Variants in TAFA1 observed in about 807,000 individuals in gnomAD.
The protein encoded by TAFA1 is TAFA chemokine like family member 1.
A neutral mutation model predicts 18.5 loss-of-function variants in TAFA1; 4 were observed. That is an observed-to-expected ratio of 0.22 (90% CI 0.11 to 0.49). The LOEUF (loss-of-function observed/expected upper bound fraction) is 0.49, where lower values mean the gene tolerates loss of function less well. TAFA1 is among the 20% of genes least tolerant of loss of function. TAFA1 has a pLI of 0.98. For synonymous variants in TAFA1, 56 were observed against 55.2 expected, an observed-to-expected ratio of 1.01 and a Z score of -0.06; for missense variants, 147 against 169.0, an observed-to-expected ratio of 0.87 and a Z score of 0.72.
At chr3:68,169,209 C>T (rs1163853988) in intron 2 of TAFA1, among the ~76,000 whole-genome samples, 1 of 151,956 alleles carries the variant, frequency 6.6e-6, no homozygotes, top group Non-Finnish European at 1.5e-5. Flanking sequence ...TCATAAAAGG[C>T]ACTGGAGCCT....
intron 2 of TAFA1, among the ~76,000 whole-genome samples, chr3:68,169,253 G>A (rs976056663): frequency 6.6e-6 from 1 of 152,200 alleles, no homozygotes; most frequent in African/African-American, 2.4e-5. Context: ...TGCTCTGGAC[G>A]GTACGGGCTG....
intron 2 of TAFA1, among the ~76,000 whole-genome samples, chr3:68,010,242 T>C: frequency 6.6e-6 from 1 of 152,164 alleles, no homozygotes; most frequent in East Asian, 1.9e-4. Flanking sequence ...TTCCCCAGCC[T>C]CTTACGGGCA....
At chr3:68,253,264 T>A (rs1230615145) in intron 2 of TAFA1, among the ~76,000 whole-genome samples, 1 of 152,208 alleles carries the variant, frequency 6.6e-6, no homozygotes, top group East Asian at 1.9e-4. Context: ...TAATTCCCAC[T>A]GTATACCAGG....
chr3:68,016,538 G>A (rs560789852), intron 2 of TAFA1, among the ~76,000 whole-genome samples: 2 of 152,236 alleles, frequency 1.3e-5, no homozygotes, highest in African/African-American at 4.8e-5. Context: ...GTACCCTGAT[G>A]TGCTATACAG....
At chr3:68,255,846 G>T (rs947568008) in intron 2 of TAFA1, among the ~76,000 whole-genome samples, 1 of 151,888 alleles carries the variant, frequency 6.6e-6, no homozygotes, top group Non-Finnish European at 1.5e-5. Flanking sequence ...TGGCTAACAG[G>T]CAGTTAAGTC....
intron 2 of TAFA1, among the ~76,000 whole-genome samples, chr3:68,291,533 G>T (rs181554537): frequency 8.3e-4 from 126 of 152,138 alleles, no homozygotes; most frequent in African/African-American, 2.9e-3. Context: ...ACCTAAGACT[G>T]TCTACATCCA....
chr3:68,169,649 G>T (rs1240623811), intron 2 of TAFA1, among the ~76,000 whole-genome samples: 1 of 152,208 alleles, frequency 6.6e-6, no homozygotes, highest in Non-Finnish European at 1.5e-5. Flanking sequence ...TATAACAAAT[G>T]AAAGTTCAAA....
intron 3 of TAFA1, among the ~76,000 whole-genome samples, chr3:68,524,368 G>A (rs1265377765): frequency 6.6e-6 from 1 of 152,084 alleles, no homozygotes; most frequent in African/African-American, 2.4e-5. Flanking sequence ...CCAGATAGAA[G>A]GGCTGGCAAA....
At chr3:68,344,097 C>T (rs944033135) in intron 2 of TAFA1, among the ~76,000 whole-genome samples, 1 of 152,144 alleles carries the variant, frequency 6.6e-6, no homozygotes, top group Non-Finnish European at 1.5e-5. Flanking sequence ...CCTGCCTGGG[C>T]CTCCCAAAGT....
intron 2 of TAFA1, among the ~76,000 whole-genome samples, chr3:68,065,709 T>C (rs564399020): frequency 6.9e-6 from 1 of 143,960 alleles, no homozygotes; most frequent in Admixed American, 7.3e-5. Flanking sequence ...TATGTGTGTA[T>C]ACATAGATGT....
intron 2 of TAFA1, among the ~76,000 whole-genome samples, chr3:68,014,513 A>G (rs1281738984): frequency 6.6e-6 from 1 of 152,182 alleles, no homozygotes. Context: ...AAGTTGTCAA[A>G]TTGCAAAGCT....
At chr3:68,300,414 C>G (rs1321977982) in intron 2 of TAFA1, among the ~76,000 whole-genome samples, 1 of 152,100 alleles carries the variant, frequency 6.6e-6, no homozygotes, top group African/African-American at 2.4e-5. Flanking sequence ...AGAACATTTA[C>G]CCAATGCCGC....
chr3:68,452,738 T>C (rs1027145045), intron 3 of TAFA1, among the ~76,000 whole-genome samples: 1 of 152,158 alleles, frequency 6.6e-6, no homozygotes, highest in African/African-American at 2.4e-5. Flanking sequence ...TGAAATTGAT[T>C]GTAAATCATT....
In TAFA1 at chr3:68,004,479, C is replaced by A. The variant is rs1704323701; in HGVS notation, c.-227C>A. 6.6e-6 allele frequency: 1 copy of A among 151,912 alleles called. No individual in the cohort carries two copies. The highest frequency in any genetic ancestry group is 2.4e-5 in the African/African-American group (1 of 41,324). 9.4% of individuals were successfully genotyped at this position (151,912 alleles called of 1,614,324 possible). A position where few individuals can be genotyped will look rare whatever the true frequency, so the allele number is the denominator to read the frequency against. ...GGTTTCCACCCCTCAAACCTTGGCT[C>A]CTTTTCTGACAATACAGTCTGAATG... On this transcript the variant is annotated 5_prime_UTR_variant, in exon 1 of 5. Transcript: ENST00000478136.
At chr3:68,293,301 T>C (rs2172219) in intron 2 of TAFA1, among the ~76,000 whole-genome samples, 39,574 of 152,142 alleles carry the variant, frequency 0.26, 6,690 homozygotes, top group East Asian at 0.84. Context: ...CTCTAGATGA[T>C]GGGTTGATAG....
chr3:68,145,680 A>G (rs2065730762), intron 2 of TAFA1: 2 of 885,960 alleles, frequency 2.3e-6, no homozygotes, highest in Admixed American at 3.5e-5. Flanking sequence ...CTGTATACTG[A>G]CAAATATAGA....
intron 2 of TAFA1, among the ~76,000 whole-genome samples, chr3:68,035,401 G>T (rs1011888949): frequency 5.3e-5 from 8 of 152,058 alleles, no homozygotes; most frequent in Middle Eastern, 3.4e-3. Context: ...GGTTAAAAAA[G>T]CCTCTCCATT....
intron 2 of TAFA1, among the ~76,000 whole-genome samples, chr3:68,364,222 G>A (rs894141959): frequency 6.6e-6 from 1 of 152,170 alleles, no homozygotes; most frequent in Non-Finnish European, 1.5e-5. Flanking sequence ...AGAATATCCT[G>A]TAATATTTGT....
At chr3:68,147,277 G>C (rs2065753163) in intron 2 of TAFA1, among the ~76,000 whole-genome samples, 1 of 151,886 alleles carries the variant, frequency 6.6e-6, no homozygotes, top group South Asian at 2.1e-4. Context: ...CCAGGTATCA[G>C]GCAACTAGGG....
Sources: gnomAD v4.1 joint callset for allele counts (sites outside exome capture counted in the v4.1 genomes callset) on GRCh38, gnomAD v4.1.1 for gene constraint, MANE v1.5 for transcripts, NCBI Gene and HGNC (gene_info 2026-07-23, HGNC 2026-07-21) for gene names.